TENM1: variants seen among roughly 807,000 people sequenced by gnomAD.
TENM1 encodes teneurin transmembrane protein 1, also known as teneurin-1.
TENM1 carries 35 observed loss-of-function variants against 174.8 expected under a neutral mutation model. That is an observed-to-expected ratio of 0.20 (90% CI 0.15 to 0.27). TENM1 has a LOEUF of 0.27. TENM1 is among the 10% of genes least tolerant of loss of function. TENM1 has a pLI of 1.00. For missense variants in TENM1, 1,633 were observed against 2,130.1 expected (o/e 0.77, Z 4.59); for synonymous variants, 781 against 798.7 (o/e 0.98, Z 0.37).
At chrX:124,385,652 A>G (rs1413198812) in intron 29 of TENM1, 25 bp downstream of exon 32, 2 of 1,169,060 alleles carry the variant, frequency 1.7e-6, no homozygotes, top group South Asian at 4.0e-5. Context: ...GTTGTTGTAC[A>G]CACCACCACT....
At chrX:124,458,555 CTACA>C (rs1167194077) in intron 22 of TENM1, among the ~76,000 whole-genome samples, 2 of 112,333 alleles carry the variant, frequency 1.8e-5, no homozygotes, top group Non-Finnish European at 3.8e-5. Context: ...CTAGTATATT[CTACA>C]TAGTAAAGGT....
At chrX:124,898,054 T>C (rs961553997) in intron 1 of TENM1, among the ~76,000 whole-genome samples, 4 of 112,116 alleles carry the variant, frequency 3.6e-5, no homozygotes, top group Non-Finnish European at 7.5e-5. Context: ...GAAATGAATT[T>C]TATATAGGTC....
chrX:125,137,723 TGA>T, the TENM1 span, among the ~76,000 whole-genome samples: 10 of 111,673 alleles, frequency 9.0e-5, no homozygotes, highest in African/African-American at 3.2e-4. Context: ...AGATGGCCAG[TGA>T]TTCCCCAGCC....
At chrX:124,720,389 A>G (rs900117336) in intron 4 of TENM1, among the ~76,000 whole-genome samples, 1 of 112,213 alleles carries the variant, frequency 8.9e-6, no homozygotes, top group South Asian at 3.7e-4. Context: ...CTTTCAACTA[A>G]TTGCCAGACA....
the TENM1 span, among the ~76,000 whole-genome samples, chrX:125,103,426 C>A: frequency 9.0e-6 from 1 of 111,201 alleles, no homozygotes; most frequent in Non-Finnish European, 1.9e-5. Context: ...GTGCCTTGGT[C>A]CCCATGTTGG....
At chrX:124,942,762 G>T (rs947085850) in intron 1 of TENM1, among the ~76,000 whole-genome samples, 4 of 111,538 alleles carry the variant, frequency 3.6e-5, no homozygotes, top group African/African-American at 1.3e-4. Context: ...TAACTTGGAA[G>T]TCATTTCTGT....
intron 5 of TENM1, among the ~76,000 whole-genome samples, chrX:124,697,376 T>A (rs1306969714): frequency 2.7e-5 from 3 of 111,231 alleles, no homozygotes; most frequent in African/African-American, 6.5e-5. Context: ...TACACTGTAA[T>A]CTGAAATTCC....
At chrX:124,890,746 A>G (rs2057460521) in intron 3 of TENM1, among the ~76,000 whole-genome samples, 2 of 110,888 alleles carry the variant, frequency 1.8e-5, no homozygotes, top group Admixed American at 1.9e-4. Flanking sequence ...AATTTAGTAC[A>G]GTCACCATGA....
chrX:124,650,851 G>A (rs73215129), intron 8 of TENM1, among the ~76,000 whole-genome samples: 4,764 of 111,606 alleles, frequency 0.043, 125 homozygotes, highest in Non-Finnish European at 0.066. Flanking sequence ...TTCTCTAGGG[G>A]AAACATCATC....
At chrX:125,120,535 C>G in the TENM1 span, among the ~76,000 whole-genome samples, 1 of 110,427 alleles carries the variant, frequency 9.1e-6, no homozygotes, top group Non-Finnish European at 1.9e-5. Flanking sequence ...CTTATCTGAA[C>G]AACATTTTCA....
intron 1 of TENM1, among the ~76,000 whole-genome samples, chrX:124,940,473 T>C (rs973097585): frequency 8.9e-6 from 1 of 111,994 alleles, no homozygotes; most frequent in Admixed American, 9.5e-5. Flanking sequence ...CTTTCTACAG[T>C]TTGCTATTCT....
chrX:124,797,287 A>G (rs1219013238), intron 3 of TENM1, among the ~76,000 whole-genome samples: 1 of 111,731 alleles, frequency 9.0e-6, no homozygotes, highest in African/African-American at 3.3e-5. Flanking sequence ...CAAGTAGATA[A>G]ACAAGGGCAA....
intron 3 of TENM1, among the ~76,000 whole-genome samples, chrX:124,746,917 C>G (rs1038131342): frequency 7.2e-5 from 8 of 110,668 alleles, no homozygotes; most frequent in Admixed American, 4.9e-4. Flanking sequence ...CACCTGAGGT[C>G]AGGAGTTCAA....
the TENM1 span, among the ~76,000 whole-genome samples, chrX:125,051,870 T>C: frequency 9.5e-6 from 1 of 105,664 alleles, no homozygotes; most frequent in Non-Finnish European, 1.9e-5. Context: ...AAAGAGCTTC[T>C]GCACAGCAAA....
chrX:124,918,569 CAAA>C (rs11374085), intron 1 of TENM1, among the ~76,000 whole-genome samples: 3 of 50,230 alleles, frequency 6.0e-5, no homozygotes, highest in African/African-American at 1.2e-4. Flanking sequence ...AGAGAAATTA[CAAA>C]AAAAAAAAAA....
At chrX:124,737,903 C>T (rs1344170919) in intron 3 of TENM1, among the ~76,000 whole-genome samples, 3 of 112,123 alleles carry the variant, frequency 2.7e-5, no homozygotes, top group African/African-American at 6.5e-5. Context: ...GCCATGTTAG[C>T]GGCAGCTTAG....
At chrX:124,497,238 T>G in exon 20 of TENM1, 2 of 1,208,049 alleles carry the variant, frequency 1.7e-6, no homozygotes, top group Non-Finnish European at 2.2e-6. Flanking sequence ...AATGAACATA[T>G]TTTCTCCATT....
At chrX:125,121,110 G>A in the TENM1 span, among the ~76,000 whole-genome samples, 2 of 111,426 alleles carry the variant, frequency 1.8e-5, no homozygotes, top group East Asian at 5.7e-4. Context: ...AATGGAATAG[G>A]GTACCTGATA....
the TENM1 span, among the ~76,000 whole-genome samples, chrX:125,054,645 G>A: frequency 8.9e-6 from 1 of 111,928 alleles, no homozygotes; most frequent in South Asian, 3.7e-4. Flanking sequence ...AAATGACAGA[G>A]AGAAGAAAAC....
Sources: gnomAD v4.1 joint callset for allele counts (sites outside exome capture counted in the v4.1 genomes callset) on GRCh38, gnomAD v4.1.1 for gene constraint, MANE v1.5 for transcripts, NCBI Gene and HGNC (gene_info 2026-07-23, HGNC 2026-07-21) for gene names.